TASP1: variants seen among roughly 807,000 people sequenced by gnomAD.
TASP1 encodes threonine aspartase 1.
TASP1 carries 16 observed loss-of-function variants against 56.6 expected under a neutral mutation model. The ratio of observed to expected loss-of-function variants is 0.28; its 90% CI spans 0.19 to 0.43. TASP1 has a LOEUF of 0.43. Among genes scored for constraint, TASP1 ranks in the 20% least tolerant of loss-of-function variants. The probability of loss-of-function intolerance (pLI) is 1.00; values close to 1 mark genes in which losing one functional copy is unlikely to be tolerated. For missense variants in TASP1, 393 were observed against 511.6 expected, an observed-to-expected ratio of 0.77 and a Z score of 2.24; for synonymous variants, 179 against 184.2, an observed-to-expected ratio of 0.97 and a Z score of 0.23.
At chr20:13,241,121 A>T in the TASP1 span, among the ~76,000 whole-genome samples, 1 of 152,130 alleles carries the variant, frequency 6.6e-6, no homozygotes, top group Non-Finnish European at 1.5e-5. Context: ...ATGAGGCCAG[A>T]GAAGTGCTCA....
the TASP1 span, among the ~76,000 whole-genome samples, chr20:13,109,780 G>T: frequency 3.0e-3 from 455 of 152,214 alleles, 2 homozygotes; most frequent in African/African-American, 0.01. Context: ...ATTTCAGCCT[G>T]CAACAAAGCT....
At chr20:13,571,784 C>T (rs1480113975) in intron 6 of TASP1, among the ~76,000 whole-genome samples, 1 of 152,086 alleles carries the variant, frequency 6.6e-6, no homozygotes, top group East Asian at 1.9e-4. Context: ...TGATCCTTAC[C>T]GCTCCCCAGT....
At chr20:13,458,171 T>C (rs1391331541) in intron 11 of TASP1, among the ~76,000 whole-genome samples, 2 of 152,078 alleles carry the variant, frequency 1.3e-5, no homozygotes, top group Admixed American at 6.6e-5. Flanking sequence ...GAAGTAATGG[T>C]CAATCCGAAA....
At chr20:13,118,459 A>C in the TASP1 span, among the ~76,000 whole-genome samples, 1 of 143,744 alleles carries the variant, frequency 7.0e-6, no homozygotes, top group African/African-American at 2.9e-5. Flanking sequence ...GAAAAAAAAA[A>C]CAAAAAAAAA....
At chr20:13,181,622 C>T in the TASP1 span, among the ~76,000 whole-genome samples, 3 of 152,086 alleles carry the variant, frequency 2.0e-5, no homozygotes, top group Non-Finnish European at 2.9e-5. Flanking sequence ...GGAAAGTGTC[C>T]GGTGTCTTTT....
the TASP1 span, among the ~76,000 whole-genome samples, chr20:13,253,120 C>T: frequency 5.0e-4 from 76 of 152,262 alleles, no homozygotes; most frequent in African/African-American, 1.8e-3. Flanking sequence ...TACTTGCTAC[C>T]CAAGCAGACC....
chr20:13,585,695 A>C (rs113472085), intron 5 of TASP1, among the ~76,000 whole-genome samples: 1 of 152,212 alleles, frequency 6.6e-6, no homozygotes, highest in Non-Finnish European at 1.5e-5. Flanking sequence ...TGAATTTTAA[A>C]AACAATTAAC....
the TASP1 span, among the ~76,000 whole-genome samples, chr20:13,341,338 C>A: frequency 2.0e-5 from 3 of 152,256 alleles, no homozygotes; most frequent in Non-Finnish European, 2.9e-5. Context: ...ATATATGAAC[C>A]GATGCTTTTA....
chr20:13,139,065 T>G, the TASP1 span, among the ~76,000 whole-genome samples: 1 of 152,186 alleles, frequency 6.6e-6, no homozygotes, highest in South Asian at 2.1e-4. Flanking sequence ...GTAGCGTGAT[T>G]CTTAAGCATC....
At chr20:13,241,671 G>A in the TASP1 span, among the ~76,000 whole-genome samples, 14 of 152,168 alleles carry the variant, frequency 9.2e-5, no homozygotes. Context: ...CGTTTGAGGA[G>A]AGAAGATATA....
rs183516007 is a variant in TASP1 at position 13,567,347 on chromosome 20, T to C, written c.568+2160A>G. Among the ~76,000 whole-genome samples the C allele has an allele frequency of 4.0e-3, 608 of 152,210 alleles. 1 individual carries two copies. Among genetic ancestry groups the C allele is most frequent in the African/African-American group, 0.014 (561 of 41,530 alleles). ...TTAGCTTAATACCTGGGTGACTAAA[T>C]AGTCTGTACAACAAACCCCTGTGAC... On this transcript the variant is annotated intron_variant, in intron 7 of 13. Transcript: ENST00000337743.
the TASP1 span, among the ~76,000 whole-genome samples, chr20:13,164,071 C>T: frequency 1.3e-5 from 2 of 152,196 alleles, no homozygotes; most frequent in East Asian, 3.9e-4. Context: ...CATCCCACAA[C>T]AGTCCCTGGT....
At chr20:13,471,489 A>T (rs1399350845) in intron 11 of TASP1, among the ~76,000 whole-genome samples, 2 of 152,022 alleles carry the variant, frequency 1.3e-5, no homozygotes, top group African/African-American at 2.4e-5. Flanking sequence ...CAGCTATTCA[A>T]ATGCCTCTTT....
the TASP1 span, among the ~76,000 whole-genome samples, chr20:13,355,451 G>C: frequency 6.6e-6 from 1 of 152,144 alleles, no homozygotes; most frequent in Non-Finnish European, 1.5e-5. Flanking sequence ...AGGGAAAACC[G>C]TGCCCAAGCT....
the TASP1 span, among the ~76,000 whole-genome samples, chr20:13,159,215 G>A: frequency 5.9e-5 from 9 of 152,188 alleles, no homozygotes; most frequent in Admixed American, 3.3e-4. Context: ...GCTTATGAAG[G>A]TTTTACTCTG....
the TASP1 span, among the ~76,000 whole-genome samples, chr20:13,202,174 G>A: frequency 6.6e-6 from 1 of 152,196 alleles, no homozygotes; most frequent in African/African-American, 2.4e-5. Flanking sequence ...AAGGAATCAA[G>A]TTAGGGGAGC....
the TASP1 span, among the ~76,000 whole-genome samples, chr20:13,310,937 T>C: frequency 3.3e-5 from 5 of 152,322 alleles, no homozygotes; most frequent in South Asian, 1.0e-3. Context: ...CTCACGCCTG[T>C]AATCCCAGCA....
chr20:13,289,304 G>A, the TASP1 span, among the ~76,000 whole-genome samples: 1 of 152,212 alleles, frequency 6.6e-6, no homozygotes, highest in East Asian at 1.9e-4. Flanking sequence ...ATGGTCTGAT[G>A]AGGAAGCCAG....
chr20:13,149,819 C>T, the TASP1 span, among the ~76,000 whole-genome samples: 2 of 152,146 alleles, frequency 1.3e-5, no homozygotes, highest in Non-Finnish European at 2.9e-5. Flanking sequence ...TAGGGACAGC[C>T]GGGGCCAATT....
Sources: allele counts gnomAD v4.1 joint callset (sites outside exome capture counted in the v4.1 genomes callset), GRCh38; gene constraint gnomAD v4.1.1; transcripts MANE v1.5; gene names NCBI Gene and HGNC (gene_info 2026-07-23, HGNC 2026-07-21).